Variants in CADPS2 observed in about 807,000 individuals in gnomAD.
CADPS2 encodes the protein calcium-dependent secretion activator 2.
In CADPS2, 93 loss-of-function variants were observed where a neutral mutation model predicts 172.5. The ratio of observed to expected loss-of-function variants is 0.54; its 90% CI spans 0.46 to 0.64. The LOEUF is 0.64. CADPS2 is among the 30% of genes least tolerant of loss of function. CADPS2 has a pLI of 0.00. For synonymous variants in CADPS2, 546 were observed against 555.2 expected (o/e 0.98, Z 0.23); for missense variants, 1,420 against 1,565.9 (o/e 0.91, Z 1.57).
intron 4 of CADPS2, among the ~76,000 whole-genome samples, chr7:122,625,888 G>A (rs2076042503): frequency 6.6e-6 from 1 of 151,948 alleles, no homozygotes; most frequent in Non-Finnish European, 1.5e-5. Flanking sequence ...TATTGGTCTA[G>A]ATATATGAAA....
At chr7:122,405,157 CCTTA>C (rs1349214834) in intron 20 of CADPS2, among the ~76,000 whole-genome samples, 13 of 152,106 alleles carry the variant, frequency 8.5e-5, no homozygotes, top group African/African-American at 2.4e-4. Context: ...AACAAAAATA[CCTTA>C]CTTACTTATT....
intron 7 of CADPS2, among the ~76,000 whole-genome samples, chr7:122,560,483 T>C (rs1046279955): frequency 2.0e-5 from 3 of 152,046 alleles, no homozygotes; most frequent in Admixed American, 6.6e-5. Flanking sequence ...CAGAGATGAG[T>C]CATGTGACTC....
intron 1 of CADPS2, among the ~76,000 whole-genome samples, chr7:122,737,419 C>T (rs908544330): frequency 9.9e-5 from 15 of 152,116 alleles, no homozygotes; most frequent in African/African-American, 3.6e-4. Context: ...AGATGTTGGC[C>T]AGACTGGTCT....
At chr7:122,606,997 C>T (rs4604372) in intron 6 of CADPS2, among the ~76,000 whole-genome samples, 22,026 of 152,032 alleles carry the variant, frequency 0.14, 1,744 homozygotes, top group African/African-American at 0.2. Flanking sequence ...ATGTGGACAC[C>T]TGATATGACA....
chr7:122,390,133 T>C (rs1271297449), intron 22 of CADPS2, among the ~76,000 whole-genome samples: 4 of 152,020 alleles, frequency 2.6e-5, no homozygotes, highest in Non-Finnish European at 5.9e-5. Flanking sequence ...ACTTAAGTTC[T>C]CTAGGGACCA....
At position 122,441,609 on chromosome 7, in the gene CADPS2, A is replaced by T. The variant is rs1244094952; in HGVS notation, c.2289-34T>A. 3.0e-6 allele frequency: 4 copies of T among 1,340,124 alleles called. No homozygotes were observed. In the Admixed American group the frequency reaches 9.9e-5, roughly 33 times the overall value. 83.0% of individuals were successfully genotyped at this position (1,340,124 alleles called of 1,614,324 possible). ...ACAAAAGAAAGAACAAAAGAGTCAAACATTTAATACCCAAGACTGCTAAAT... is the reference window on the plus strand; with the variant it reads ...ACAAAAGAAAGAACAAAAGAGTCAATCATTTAATACCCAAGACTGCTAAAT... On this transcript the variant is annotated intron_variant, in intron 15 of 29. Coordinates refer to ENST00000449022, the MANE Select transcript of CADPS2 (RefSeq NM_017954.11).
intron 2 of CADPS2, among the ~76,000 whole-genome samples, chr7:122,665,316 C>T (rs1241391253): frequency 1.3e-5 from 2 of 152,288 alleles, no homozygotes; most frequent in Admixed American, 6.5e-5. Flanking sequence ...CTTAAGGTCA[C>T]TCACACAAAC....
intron 8 of CADPS2, among the ~76,000 whole-genome samples, chr7:122,532,517 C>G (rs1022593498): frequency 3.3e-5 from 5 of 151,958 alleles, no homozygotes; most frequent in Non-Finnish European, 7.4e-5. Flanking sequence ...CACTGCCGCA[C>G]TCCGACCTCT....
intron 8 of CADPS2, among the ~76,000 whole-genome samples, chr7:122,523,766 C>A (rs2060994403): frequency 6.6e-6 from 1 of 152,116 alleles, no homozygotes; most frequent in Admixed American, 6.6e-5. Flanking sequence ...TCTACACATG[C>A]TTCACTGTTT....
chr7:122,568,699 T>C (rs773662689), intron 7 of CADPS2, among the ~76,000 whole-genome samples: 46 of 152,008 alleles, frequency 3.0e-4, no homozygotes, highest in Admixed American at 6.6e-4. Flanking sequence ...TAAAAATAAA[T>C]CAAAGACTAA....
intron 7 of CADPS2, among the ~76,000 whole-genome samples, chr7:122,557,786 AC>A (rs2065217918): frequency 6.6e-6 from 1 of 152,196 alleles, no homozygotes; most frequent in Non-Finnish European, 1.5e-5. Flanking sequence ...TCATGCTTTC[AC>A]CAGTATAGAA....
At chr7:122,489,979 T>A (rs1175910713) in intron 11 of CADPS2, 102 bp downstream of exon 11, 1 of 926,986 alleles carries the variant, frequency 1.1e-6, no homozygotes, top group East Asian at 2.6e-5. Context: ...TAATTAGGAA[T>A]CAATTAATGA....
At chr7:122,447,649 G>A (rs1486119499) in intron 15 of CADPS2, among the ~76,000 whole-genome samples, 1 of 146,532 alleles carries the variant, frequency 6.8e-6, no homozygotes, top group African/African-American at 2.5e-5. Context: ...TGCCTCCTAG[G>A]TTCAAGCAAT....
chr7:122,324,042 T>C (rs1585008423), intron 29 of CADPS2, among the ~76,000 whole-genome samples: 3 of 151,734 alleles, frequency 2.0e-5, no homozygotes, highest in Non-Finnish European at 4.4e-5. Context: ...ACCTATCATA[T>C]TGTCCTTTCA....
At chr7:122,822,482 A>T (rs1476673502) in intron 1 of CADPS2, among the ~76,000 whole-genome samples, 2 of 151,262 alleles carry the variant, frequency 1.3e-5, no homozygotes, top group East Asian at 2.0e-4. Flanking sequence ...ACCCCCCAAA[A>T]ATTTTCGCCA....
chr7:122,410,940 C>T (rs765397319), intron 19 of CADPS2, among the ~76,000 whole-genome samples: 1 of 152,142 alleles, frequency 6.6e-6, no homozygotes, highest in Non-Finnish European at 1.5e-5. Context: ...TATAGGTTAG[C>T]AAACAGAGAT....
At chr7:122,816,859 T>C (rs1433349899) in intron 1 of CADPS2, among the ~76,000 whole-genome samples, 2 of 151,928 alleles carry the variant, frequency 1.3e-5, no homozygotes, top group Non-Finnish European at 2.9e-5. Context: ...ACTGATGACA[T>C]TCCACCACAA....
chr7:122,640,513 A>AG (rs2077511341), intron 3 of CADPS2, among the ~76,000 whole-genome samples: 1 of 149,134 alleles, frequency 6.7e-6, no homozygotes, highest in African/African-American at 2.5e-5. Flanking sequence ...AGAGAGAGAG[A>AG]AAAAAAAAGA....
chr7:122,402,907 T>C (rs1458403707), intron 20 of CADPS2, among the ~76,000 whole-genome samples: 1 of 152,198 alleles, frequency 6.6e-6, no homozygotes, highest in Non-Finnish European at 1.5e-5. Flanking sequence ...ATTTCGAATT[T>C]AGACAATAAC....
Sources: gnomAD v4.1 joint callset for allele counts (sites outside exome capture counted in the v4.1 genomes callset) on GRCh38, gnomAD v4.1.1 for gene constraint, MANE v1.5 for transcripts, NCBI Gene and HGNC (gene_info 2026-07-23, HGNC 2026-07-21) for gene names.